Variants in AGAP1 observed in about 807,000 individuals in gnomAD.
AGAP1 encodes the protein ArfGAP with GTPase domain, ankyrin repeat and PH domain 1, also known as arf-GAP with GTPase, ANK repeat and PH domain-containing protein 1.
Under a neutral mutation model 105.3 loss-of-function variants are expected in AGAP1, and 29 were observed. The observed-to-expected ratio is 0.28, with a 90% CI of 0.21 to 0.38. AGAP1 has a LOEUF of 0.38. AGAP1 is among the 10% of genes least tolerant of loss of function. The pLI is 1.00. For missense variants in AGAP1, 998 were observed against 1,165.1 expected, an observed-to-expected ratio of 0.86 and a Z score of 2.09; for synonymous variants, 509 against 485.9, an observed-to-expected ratio of 1.05 and a Z score of -0.63.
chr2:236,119,888 G>T lies in AGAP1; in HGVS notation c.2115-304G>T, dbSNP rs1416586871. Among the ~76,000 whole-genome samples, 9 of 152,160 alleles carry T rather than the reference G, an allele frequency of 5.9e-5. No homozygotes were observed. The East Asian group carries it at 1.7e-3, about 29-fold the overall frequency. ...GCAGTGTATGAGCCTGAGATCAGCG[G>T]CTCTCACACCTTGGGCCTATTGGAA... is the stretch of plus-strand genomic sequence containing the variant. On this transcript the variant is annotated intron_variant, in intron 16 of 17. Transcript: ENST00000304032. The surrounding 1 kb of genome is among the most constrained non-coding windows in gnomAD (Gnocchi z 6.6).
In AGAP1 at chr2:235,557,743, T is replaced by C. The variant is rs1266015202; in HGVS notation, c.163+62894T>C. Among the ~76,000 whole-genome samples the C allele has an allele frequency of 6.6e-6, 1 of 152,148 alleles. No individual in the cohort carries two copies. The highest frequency in any genetic ancestry group is 1.5e-5 in the Non-Finnish European group (1 of 68,032). ...CCAGAGTGGGCACTTCAGGTCCCGC[T>C]CCATGGCCGTGTGCACCTTCATGGT... On this transcript the variant is annotated intron_variant, in intron 1 of 17. Transcript: ENST00000304032. The surrounding 1 kb of genome is among the most constrained non-coding windows in gnomAD (Gnocchi z 4.7).
intron 9 of AGAP1, among the ~76,000 whole-genome samples, chr2:235,819,038 G>T (rs896523157): frequency 6.6e-6 from 1 of 152,170 alleles, no homozygotes; most frequent in Non-Finnish European, 1.5e-5. Context: ...AGTGTTCATC[G>T]GAGTCCCTGT....
chr2:235,494,616 C>T lies in AGAP1; in HGVS notation c.-71C>T. 2.3e-6 allele frequency: 2 copies of T among 857,594 alleles called. No individual in the cohort carries two copies. The highest frequency in any genetic ancestry group is 2.8e-6 in the Non-Finnish European group (2 of 719,558). The allele number at this position is 857,594 out of a possible 1,614,324, so 53.1% of individuals were successfully genotyped here. A position where few individuals can be genotyped will look rare whatever the true frequency, so the allele number is the denominator to read the frequency against. ...GGGGGCTGCGGCGCCCCGGGCTCGG[C>T]GGCCCGCGGGCCCCGGGGCGCGGGG... is the stretch of plus-strand genomic sequence containing the variant. On this transcript the variant is annotated 5_prime_UTR_variant, in exon 1 of 18. Coordinates refer to ENST00000304032, the MANE Select transcript of AGAP1 (RefSeq NM_001037131.3).
rs1228284041 is a variant in AGAP1, at chr2:235,741,845, C to T, written c.396+797C>T. On this transcript the variant is annotated intron_variant, in intron 4 of 17. Transcript: ENST00000304032. The surrounding 1 kb of genome is among the most constrained non-coding windows in gnomAD (Gnocchi z 4.9). ...CTCGGCTCACTACAAGCTCCACCTC[C>T]CAGGTTCAGGCCATTCTCCTGCCTC... is the stretch of plus-strand genomic sequence containing the variant. 6.6e-6 allele frequency among the ~76,000 whole-genome samples: 1 copy of T among 151,854 alleles called. No homozygotes were observed. The highest frequency in any genetic ancestry group is 2.1e-4 in the South Asian group (1 of 4,806).
chr2:235,805,957 C>G (rs1240079878), intron 8 of AGAP1, among the ~76,000 whole-genome samples: 1 of 152,118 alleles, frequency 6.6e-6, no homozygotes, highest in South Asian at 2.1e-4. Context: ...GCACAGCTGC[C>G]CAGGAGAGTA....
intron 10 of AGAP1, among the ~76,000 whole-genome samples, chr2:235,907,665 T>G (rs1379630149): frequency 6.6e-6 from 1 of 152,166 alleles, no homozygotes; most frequent in Non-Finnish European, 1.5e-5. Flanking sequence ...GGGGATTGGC[T>G]CCAGGACCCT....
rs543121062 is a variant in AGAP1, at chr2:235,738,399, C to A, written c.311-2564C>A. Among the ~76,000 whole-genome samples the A allele has an allele frequency of 7.9e-5, 12 of 152,054 alleles. No homozygotes were observed. The East Asian group carries it at 2.3e-3, about 30-fold the overall frequency. ...ACTGAGGCATCGAGCAGTTGAGTTA[C>A]GTGCTGGAGGTCACTCAGCCAGGGA... On this transcript the variant is annotated intron_variant, in intron 3 of 17. Transcript: ENST00000304032.
intron 1 of AGAP1, among the ~76,000 whole-genome samples, chr2:235,651,879 G>A (rs1947606782): frequency 6.6e-6 from 1 of 152,278 alleles, no homozygotes; most frequent in African/African-American, 2.4e-5. Context: ...CACGGGGAGG[G>A]ACAGGCATAT....
chr2:235,893,988 G>A lies in AGAP1; in HGVS notation c.1155+10539G>A, dbSNP rs1322929999. On this transcript the variant is annotated intron_variant, in intron 10 of 17. Transcript: ENST00000304032. This position sits in a 1 kb window ranked among gnomAD's most constrained non-coding sequence, Gnocchi z 4.7. Reference sequence around the variant, plus strand: ...GTTGGGTGAACACACACACACACACGTAATCACTGCCTCACGTGGCATTAT... The same window carrying A: ...GTTGGGTGAACACACACACACACACATAATCACTGCCTCACGTGGCATTAT... Among the ~76,000 whole-genome samples, 3 of 151,804 alleles carry A rather than the reference G, an allele frequency of 2.0e-5. No individual in the cohort carries two copies. Among genetic ancestry groups the A allele is most frequent in the Non-Finnish European group, 2.9e-5 (2 of 67,974 alleles).
intron 1 of AGAP1, among the ~76,000 whole-genome samples, chr2:235,495,149 G>A: frequency 6.6e-6 from 1 of 152,168 alleles, no homozygotes; most frequent in Middle Eastern, 3.2e-3. Context: ...GGAGCGTCCC[G>A]GCCCAGCAGA....
intron 16 of AGAP1, among the ~76,000 whole-genome samples, chr2:236,108,884 A>G (rs546303797): frequency 2.6e-5 from 4 of 152,196 alleles, no homozygotes; most frequent in South Asian, 4.2e-4. Context: ...AGACCCCGCC[A>G]CAAGACAGTG....
intron 13 of AGAP1, among the ~76,000 whole-genome samples, chr2:236,032,268 G>A (rs1247894296): frequency 6.6e-6 from 1 of 152,184 alleles, no homozygotes; most frequent in Admixed American, 6.5e-5. Context: ...TTCCATGGTT[G>A]ACCACTGCAG....
intron 1 of AGAP1, among the ~76,000 whole-genome samples, chr2:235,519,724 C>T (rs1489818106): frequency 2.6e-5 from 4 of 152,176 alleles, no homozygotes; most frequent in African/African-American, 9.7e-5. Flanking sequence ...GTACCCTCAA[C>T]CAGCTTCAGT....
At chr2:235,890,068 T>C (rs1197849020) in intron 10 of AGAP1, among the ~76,000 whole-genome samples, 2 of 151,962 alleles carry the variant, frequency 1.3e-5, no homozygotes, top group East Asian at 3.9e-4. Context: ...TGCCTCAGGA[T>C]GATGGGGTCC....
At chr2:235,821,978 G>A (rs1444716658) in intron 9 of AGAP1, among the ~76,000 whole-genome samples, 1 of 152,214 alleles carries the variant, frequency 6.6e-6, no homozygotes, top group Admixed American at 6.5e-5. Context: ...AACCACAGAA[G>A]CCTTGCACCC....
intron 13 of AGAP1, among the ~76,000 whole-genome samples, chr2:235,991,840 A>G (rs990507866): frequency 1.3e-5 from 2 of 152,202 alleles, no homozygotes; most frequent in African/African-American, 2.4e-5. Context: ...CCGACTTTGG[A>G]AAAATGTTCT....
Position 235,960,959 on chromosome 2 carries a change from G to A in AGAP1, c.1484-7503G>A, listed in dbSNP as rs1469934413. On this transcript the variant is annotated intron_variant, in intron 12 of 17. Coordinates refer to ENST00000304032, the MANE Select transcript of AGAP1 (RefSeq NM_001037131.3). The surrounding 1 kb of genome is among the most constrained non-coding windows in gnomAD (Gnocchi z 4.9). ...TGATACACTGCTGTGTGATACACCA[G>A]AAAGTGGTCCGTTCCATCCACCCGC... is the stretch of plus-strand genomic sequence containing the variant. 2.0e-5 allele frequency among the ~76,000 whole-genome samples: 3 copies of A among 152,190 alleles called. No individual in the cohort carries two copies. Among genetic ancestry groups the A allele is most frequent in the African/African-American group, 7.2e-5 (3 of 41,450 alleles).
In AGAP1 at chr2:236,123,987, C is replaced by T; in HGVS notation, c.2439C>T (p.Ser813=). 2 of 1,614,062 alleles carry T rather than the reference C, an allele frequency of 1.2e-6. No individual in the cohort carries two copies. The highest frequency in any genetic ancestry group is 1.7e-5 in the Admixed American group (1 of 60,018). The part of the protein sequence containing the change: ...NTALAYARQA[S]SQECIDVLLQ... ...CTCTGGCCTACGCCCGGCAGGCCTCCAGCCAGGAGTGCATCGACGTGCTGC... is the reference window on the plus strand; with the variant it reads ...CTCTGGCCTACGCCCGGCAGGCCTCTAGCCAGGAGTGCATCGACGTGCTGC... Residue 813 remains serine, a synonymous_variant, in exon 18 of 18, where the codon TCC becomes TCT. Coordinates refer to ENST00000304032, the MANE Select transcript of AGAP1 (RefSeq NM_001037131.3). The surrounding 1 kb of genome is among the most constrained non-coding windows in gnomAD (Gnocchi z 4.6).
intron 9 of AGAP1, among the ~76,000 whole-genome samples, chr2:235,868,526 C>T (rs2049290482): frequency 6.6e-6 from 1 of 152,156 alleles, no homozygotes; most frequent in African/African-American, 2.4e-5. Context: ...GGAGCTTAGC[C>T]ATGAAATGTT....
Sources: gnomAD v4.1 joint callset for allele counts (sites outside exome capture counted in the v4.1 genomes callset) on GRCh38, gnomAD v4.1.1 for gene constraint, Gnocchi (gnomAD v3.1) non-coding constraint, MANE v1.5 for transcripts, NCBI Gene and HGNC (gene_info 2026-07-23, HGNC 2026-07-21) for gene names.